The following TMEM260 variants were observed in gnomAD, a reference collection of about 807,000 sequenced individuals.
The protein encoded by TMEM260 is protein O-mannosyl-transferase TMEM260.
In TMEM260, 82 loss-of-function variants were observed where a neutral mutation model predicts 88.9. That is an observed-to-expected ratio of 0.92 (90% CI 0.77 to 1.11). The LOEUF is 1.11. TMEM260 is among the 50% of genes least tolerant of loss of function. The pLI, the probability that TMEM260 is intolerant of heterozygous loss-of-function variation, is 0.00. For missense variants in TMEM260, 902 were observed against 853.4 expected (o/e 1.06, Z -0.71); for synonymous variants, 314 against 309.3 (o/e 1.02, Z -0.16).
chr14:56,638,713 G>T (rs886975662), intron 15 of TMEM260, among the ~76,000 whole-genome samples: 3 of 152,012 alleles, frequency 2.0e-5, no homozygotes, highest in African/African-American at 7.2e-5. Flanking sequence ...TTCTTCTTAG[G>T]TGTAAAGAAT....
intron 6 of TMEM260, among the ~76,000 whole-genome samples, chr14:56,611,447 G>A (rs74640655): frequency 0.011 from 1,735 of 152,210 alleles, 49 homozygotes; most frequent in East Asian, 0.1. Context: ...AAAGTGCTCA[G>A]TATCACTAAT....
At chr14:56,595,058 C>G (rs1480465290) in intron 3 of TMEM260, among the ~76,000 whole-genome samples, 1 of 152,028 alleles carries the variant, frequency 6.6e-6, no homozygotes, top group African/African-American at 2.4e-5. Flanking sequence ...CCCCAGTGAT[C>G]AAAAAGGATA....
downstream of TMEM260, among the ~76,000 whole-genome samples, chr14:56,654,497 TC>T (rs1434106383): frequency 2.6e-5 from 4 of 152,130 alleles, no homozygotes; most frequent in Non-Finnish European, 5.9e-5. Context: ...TCATGATTCT[TC>T]TATTTGGTTC....
chr14:56,632,527 C>T (rs1490286964), intron 12 of TMEM260, among the ~76,000 whole-genome samples: 1 of 152,276 alleles, frequency 6.6e-6, no homozygotes, highest in Admixed American at 6.5e-5. Flanking sequence ...CCTTGGTCCC[C>T]TGTGCTACTT....
intron 3 of TMEM260, among the ~76,000 whole-genome samples, chr14:56,602,213 T>A (rs1460929730): frequency 6.6e-6 from 1 of 152,144 alleles, no homozygotes; most frequent in Non-Finnish European, 1.5e-5. Flanking sequence ...CAGAATGGGC[T>A]AAAAACCTAG....
intron 12 of TMEM260, among the ~76,000 whole-genome samples, chr14:56,630,263 A>G (rs1210640785): frequency 2.6e-5 from 4 of 152,128 alleles, no homozygotes; most frequent in Admixed American, 2.6e-4. Flanking sequence ...GAGTTTTCCA[A>G]ATTTCTTCAA....
intron 9 of TMEM260, among the ~76,000 whole-genome samples, chr14:56,617,752 A>G (rs949774260): frequency 2.0e-5 from 3 of 152,178 alleles, no homozygotes; most frequent in African/African-American, 4.8e-5. Context: ...TCTACTTACA[A>G]TAGATTCTCT....
intron 8 of TMEM260, among the ~76,000 whole-genome samples, chr14:56,616,810 T>C (rs1037411986): frequency 6.6e-6 from 1 of 152,130 alleles, no homozygotes; most frequent in Non-Finnish European, 1.5e-5. Context: ...AGGATTATAC[T>C]AACATATATT....
At position 56,605,581 on chromosome 14, in the gene TMEM260, T is replaced by C. The variant is rs1886845198; in HGVS notation, c.534T>C (p.Ile178=). 2.0e-6 allele frequency: 3 copies of C among 1,526,112 alleles called. No homozygotes were observed. In the Admixed American group the frequency reaches 6.3e-5, roughly 32 times the overall value. The allele number at this position is 1,526,112 out of a possible 1,614,324, so 94.5% of individuals were successfully genotyped here. A position where few individuals can be genotyped will look rare whatever the true frequency, so the allele number is the denominator to read the frequency against. ...TAATTTATTTTCAGGTAGCTAAAAT[T>C]GGTGCTTTCTGCTGTGGCCTTAGTT... ...TAKERSKVAK[I]GAFCCGLSLC... The change falls in exon 5 of 16, where the codon ATT becomes ATC. Residue 178 remains isoleucine (I), a synonymous_variant. Coordinates refer to ENST00000261556, the MANE Select transcript of TMEM260 (RefSeq NM_017799.4).
chr14:56,601,683 C>T (rs1050407279), intron 3 of TMEM260, among the ~76,000 whole-genome samples: 1 of 152,088 alleles, frequency 6.6e-6, no homozygotes, highest in Non-Finnish European at 1.5e-5. Flanking sequence ...TATGGAAAGG[C>T]CAATGATGTC....
At chr14:56,659,115 C>T in the TMEM260 span, among the ~76,000 whole-genome samples, 1 of 152,112 alleles carries the variant, frequency 6.6e-6, no homozygotes, top group Non-Finnish European at 1.5e-5. Flanking sequence ...AATGTCCCAG[C>T]TTCTTGGTTT....
chr14:56,657,351 C>T, the TMEM260 span, among the ~76,000 whole-genome samples: 11 of 152,044 alleles, frequency 7.2e-5, no homozygotes, highest in Non-Finnish European at 1.0e-4. Flanking sequence ...TATGTTGCCC[C>T]GGCTGGTCAT....
chr14:56,628,457 C>T (rs1032495339), intron 12 of TMEM260, among the ~76,000 whole-genome samples: 1 of 152,126 alleles, frequency 6.6e-6, no homozygotes, highest in African/African-American at 2.4e-5. Context: ...GGTATCATAT[C>T]TAAGAACTCT....
intron 3 of TMEM260, among the ~76,000 whole-genome samples, chr14:56,594,150 T>G (rs1458106260): frequency 1.3e-5 from 2 of 152,250 alleles, no homozygotes; most frequent in Non-Finnish European, 2.9e-5. Context: ...ATACCTCATT[T>G]GACCTTGCTC....
intron 3 of TMEM260, among the ~76,000 whole-genome samples, chr14:56,593,781 G>A (rs1442767401): frequency 2.8e-5 from 4 of 140,680 alleles, no homozygotes; most frequent in South Asian, 2.4e-4. Flanking sequence ...TCCGCTTCCC[G>A]GGTTCACGCC....
intron 12 of TMEM260, among the ~76,000 whole-genome samples, chr14:56,630,219 T>C (rs1008554790): frequency 6.6e-6 from 1 of 152,216 alleles, no homozygotes; most frequent in Non-Finnish European, 1.5e-5. Context: ...TTATGATATA[T>C]TTTAGCATGG....
intron 15 of TMEM260, among the ~76,000 whole-genome samples, 198 bp downstream of exon 15, chr14:56,636,796 A>G (rs928490132): frequency 7.1e-6 from 1 of 140,372 alleles, no homozygotes; most frequent in South Asian, 2.2e-4. Flanking sequence ...GGTAGGCAGA[A>G]TAATACCTCC....
downstream of TMEM260, among the ~76,000 whole-genome samples, chr14:56,652,315 G>A (rs140437547): frequency 3.6e-3 from 548 of 152,088 alleles, 1 homozygote; most frequent in Admixed American, 7.7e-3. Context: ...GGGCAACATG[G>A]TGAAACCTGG....
intron 10 of TMEM260, among the ~76,000 whole-genome samples, chr14:56,619,921 A>G (rs1887811246): frequency 6.6e-6 from 1 of 152,230 alleles, no homozygotes; most frequent in South Asian, 2.1e-4. Context: ...GAAAAAGAAA[A>G]TGTGGTCCAT....
Sources: gnomAD v4.1 joint callset for allele counts (sites outside exome capture counted in the v4.1 genomes callset) on GRCh38, gnomAD v4.1.1 for gene constraint, MANE v1.5 for transcripts, NCBI Gene and HGNC (gene_info 2026-07-23, HGNC 2026-07-21) for gene names.